The following TMEM150B variants were observed in gnomAD, a reference collection of about 807,000 sequenced individuals.
The protein encoded by TMEM150B is modulator of macroautophagy TMEM150B.
In TMEM150B, 33 loss-of-function variants were observed where a neutral mutation model predicts 25.2. That is an observed-to-expected ratio of 1.31 (90% CI 0.99 to 1.75). The LOEUF is 1.75. Among genes scored for constraint, TMEM150B ranks in the 40% most tolerant of loss-of-function variants. TMEM150B has a pLI of 0.00. For synonymous variants in TMEM150B, 133 were observed against 134.8 expected, an observed-to-expected ratio of 0.99 and a Z score of 0.09; for missense variants, 322 against 306.1, an observed-to-expected ratio of 1.05 and a Z score of -0.39.
chr19:55,317,090 G>T (rs749588546), intron 6 of TMEM150B, 124 bp from the exon 7 acceptor site: 3 of 792,686 alleles, frequency 3.8e-6, no homozygotes, highest in Non-Finnish European at 5.8e-6. Context: ...CCCAGTGATG[G>T]GCTTATTAAG....
intron 7 of TMEM150B, 127 bp downstream of exon 7, chr19:55,316,659 A>G (rs986535223): frequency 2.9e-6 from 3 of 1,052,170 alleles, no homozygotes; most frequent in Non-Finnish European, 3.8e-6. Flanking sequence ...TGACAAAGCC[A>G]TAATCCTGTG....
chr19:55,318,059 GATA>G (rs1197655796), intron 6 of TMEM150B, among the ~76,000 whole-genome samples: 1 of 151,994 alleles, frequency 6.6e-6, no homozygotes, highest in Non-Finnish European at 1.5e-5. Flanking sequence ...AGAGGAGCAA[GATA>G]ATAATAATAG....
intron 2 of TMEM150B, 150 bp from the exon 3 acceptor site, chr19:55,321,243 G>A (rs373130373): frequency 6.0e-6 from 7 of 1,167,884 alleles, no homozygotes; most frequent in Non-Finnish European, 8.0e-6. Context: ...CACCTATCCC[G>A]CAGTGTTCAA....
At position 55,316,934 on chromosome 19, in the gene TMEM150B, C is replaced by T; in HGVS notation, c.357G>A (p.Gly119=). The T allele has an allele frequency of 6.2e-7, 1 of 1,605,510 alleles. No homozygotes were observed. The highest frequency in any genetic ancestry group is 1.3e-5 in the African/African-American group (1 of 74,408). Reference sequence around the variant, plus strand: ...TACCCAAGATGAAGGCAAGGAAGGCCCCTGCCAAGTGCGTAGGCCGCTGGT... The same window carrying T: ...TACCCAAGATGAAGGCAAGGAAGGCTCCTGCCAAGTGCGTAGGCCGCTGGT... The part of the protein sequence containing the change: ...EKNQRPTHLA[G]AFLAFILGNV... The change falls in exon 7 of 8, where the codon GGG becomes GGA. Residue 119 remains glycine, a synonymous_variant. Transcript: ENST00000326652.
intron 7 of TMEM150B, among the ~76,000 whole-genome samples, chr19:55,313,445 C>G (rs556395484): frequency 2.7e-3 from 355 of 129,632 alleles, no homozygotes; most frequent in Non-Finnish European, 4.9e-3. Context: ...CCGCCAGCCT[C>G]GGACTGTGTT....
chr19:55,314,690 C>G (rs953541600), intron 7 of TMEM150B, among the ~76,000 whole-genome samples: 2 of 148,206 alleles, frequency 1.3e-5, no homozygotes, highest in African/African-American at 5.0e-5. Context: ...AAGATCTGGG[C>G]TGGATCTTAT....
At chr19:55,322,873 TG>T in intron 1 of TMEM150B, 130 bp from the exon 2 acceptor site, 2 of 243,622 alleles carry the variant, frequency 8.2e-6, no homozygotes, top group Admixed American at 6.5e-5. Context: ...ACCGTAGCTT[TG>T]GGGGACCCTA....
chr19:55,322,748 A>G lies in TMEM150B; in HGVS notation c.-153-5T>C, dbSNP rs2089239595. On this transcript the variant is annotated splice_region_variant and splice_polypyrimidine_tract_variant and intron_variant, in intron 1 of 7. Coordinates refer to ENST00000326652, the MANE Select transcript of TMEM150B (RefSeq NM_001282011.2). Reference sequence around the variant, plus strand: ...GGTGGGGCTCAGGCAGACATCCTGCAGAGGCAAAGTCCAGGCTGCAGGACT... The same window carrying G: ...GGTGGGGCTCAGGCAGACATCCTGCGGAGGCAAAGTCCAGGCTGCAGGACT... 1 of 985,310 alleles carries G rather than the reference A, an allele frequency of 1.0e-6. No individual in the cohort carries two copies. Among genetic ancestry groups the G allele is most frequent in the African/African-American group, 1.7e-5 (1 of 57,316 alleles). 61.0% of individuals were successfully genotyped at this position (985,310 alleles called of 1,614,324 possible).
chr19:55,314,573 G>A (rs8107664), intron 7 of TMEM150B, among the ~76,000 whole-genome samples: 57,149 of 151,908 alleles, frequency 0.38, 11,154 homozygotes, highest in South Asian at 0.47. Flanking sequence ...ACGACACTCA[G>A]CTAGCTGTCT....
At chr19:55,318,518 C>A (rs1430064373) in intron 6 of TMEM150B, among the ~76,000 whole-genome samples, 1 of 152,008 alleles carries the variant, frequency 6.6e-6, no homozygotes, top group Non-Finnish European at 1.5e-5. Context: ...TGCCTGTAGT[C>A]TCAGCTATTT....
At chr19:55,317,389 T>C (rs560550348) in intron 6 of TMEM150B, among the ~76,000 whole-genome samples, 44 of 152,292 alleles carry the variant, frequency 2.9e-4, no homozygotes, top group African/African-American at 1.0e-3. Flanking sequence ...CTCACATCTG[T>C]AATCCCAGCT....
chr19:55,311,277 A>G (rs994071741), downstream of TMEM150B, among the ~76,000 whole-genome samples: 1 of 152,060 alleles, frequency 6.6e-6, no homozygotes, highest in African/African-American at 2.4e-5. Context: ...AGTTTCTCTT[A>G]AAAGAAAAAC....
rs199745150 is a variant in TMEM150B, at chr19:55,320,970, C to A, written c.67G>T (p.Val23Phe). ...GTCCATCATGCCTCTGACACTCACA[C>A]GATCCAGACGCCAGAGATAGCCCAG... is the stretch of plus-strand genomic sequence containing the variant. ...AVWAISGVWI[V>F]FAIAVTNRTV... The change falls in exon 3 of 8, where the codon GTT becomes TTT. Residue 23 changes from valine to phenylalanine, a missense_variant and splice_region_variant. Coordinates refer to ENST00000326652, the MANE Select transcript of TMEM150B (RefSeq NM_001282011.2). 1.9e-6 allele frequency: 3 copies of A among 1,613,718 alleles called. No individual in the cohort carries two copies. The highest frequency in any genetic ancestry group is 2.5e-6 in the Non-Finnish European group (3 of 1,179,774).
Position 55,317,029 on chromosome 19 carries a change from G to A in TMEM150B, c.325-63C>T, listed in dbSNP as rs2089028183. The A allele has an allele frequency of 2.7e-6, 4 of 1,483,890 alleles. No individual in the cohort carries two copies. In the East Asian group the frequency reaches 7.3e-5, roughly 27 times the overall value. 91.9% of individuals were successfully genotyped at this position (1,483,890 alleles called of 1,614,324 possible). ...GGAAGGAGGGTAAGGGGCACCAGAG[G>A]GGCCAGGGCCCTTCACCAATGCAGT... On this transcript the variant is annotated intron_variant, in intron 6 of 7. Transcript: ENST00000326652.
At chr19:55,319,602 G>A (rs2089133934) in intron 6 of TMEM150B, 3 of 303,150 alleles carry the variant, frequency 9.9e-6, no homozygotes, top group Non-Finnish European at 1.5e-5. Flanking sequence ...CTGCCACCAT[G>A]CCCGGCTAAT....
At chr19:55,319,830 A>G (rs749861178) in intron 6 of TMEM150B, 4 of 1,406,030 alleles carry the variant, frequency 2.8e-6, no homozygotes, top group South Asian at 1.6e-5. Context: ...ACGAAGTCCT[A>G]CATACAAACA....
intron 6 of TMEM150B, 102 bp from the exon 7 acceptor site, chr19:55,317,068 C>T: frequency 9.5e-7 from 1 of 1,054,452 alleles, no homozygotes. Flanking sequence ...CAGTGGTCAC[C>T]AACTTTCCAT....
At chr19:55,311,984 A>G (rs1268352123), downstream of TMEM150B, 2 of 1,305,872 alleles carry the variant, frequency 1.5e-6, no homozygotes, top group African/African-American at 1.7e-5. Context: ...CCGGCCGCCC[A>G]GACCCAGAGC....
intron 2 of TMEM150B, among the ~76,000 whole-genome samples, chr19:55,322,357 C>T (rs994830561): frequency 6.6e-6 from 1 of 152,114 alleles, no homozygotes; most frequent in African/African-American, 2.4e-5. Flanking sequence ...GGGCCCCTCT[C>T]GCTTTCCTCT....
Sources: gnomAD v4.1 joint callset for allele counts (sites outside exome capture counted in the v4.1 genomes callset) on GRCh38, gnomAD v4.1.1 for gene constraint, MANE v1.5 for transcripts, NCBI Gene and HGNC (gene_info 2026-07-23, HGNC 2026-07-21) for gene names.